The following TIMM22 variants were observed in gnomAD, a reference collection of about 807,000 sequenced individuals.
The protein encoded by TIMM22 is mitochondrial import inner membrane translocase subunit Tim22.
Under a neutral mutation model 18.3 loss-of-function variants are expected in TIMM22, and 12 were observed. The observed-to-expected ratio is 0.65, with a 90% CI of 0.42 to 1.06. The LOEUF (loss-of-function observed/expected upper bound fraction) is 1.06. Ranked by LOEUF, TIMM22 falls within the 50% of genes least tolerant of loss-of-function variation. The probability of loss-of-function intolerance (pLI) is 0.00; values close to 1 mark genes in which losing one functional copy is unlikely to be tolerated. For missense variants in TIMM22, 278 were observed against 252.8 expected (o/e 1.10, Z -0.68); for synonymous variants, 107 against 98.5 (o/e 1.09, Z -0.51).
At chr17:999,340 TATATATATATATATATATAC>T (rs1190171500) in intron 2 of TIMM22, among the ~76,000 whole-genome samples, 152 bp from the exon 3 acceptor site, 4 of 138,730 alleles carry the variant, frequency 2.9e-5, no homozygotes. Flanking sequence ...TATATATATA[TATATATATATATATATATAC>T]ACGCTGTATA....
rs2069751941 is a variant in TIMM22, at chr17:1,001,763, C to T, written c.*675C>T. 6.6e-6 allele frequency: 1 copy of T among 152,448 alleles called. No homozygotes were observed. The highest frequency in any genetic ancestry group is 2.4e-5 in the African/African-American group (1 of 41,430). 9.4% of individuals were successfully genotyped at this position (152,448 alleles called of 1,614,324 possible). A position where few individuals can be genotyped will look rare whatever the true frequency, so the allele number is the denominator to read the frequency against. On this transcript the variant is annotated 3_prime_UTR_variant, in exon 4 of 4. Transcript: ENST00000327158. ...GGAAGCGGGGGATGGGGCGCTGAGGCAGGGTTGTTAGAGGACTGTGTCATC... is the reference window on the plus strand; with the variant it reads ...GGAAGCGGGGGATGGGGCGCTGAGGTAGGGTTGTTAGAGGACTGTGTCATC...
In TIMM22 at chr17:997,418, C is replaced by T. The variant is rs1555524803; in HGVS notation, c.238+38C>T. On this transcript the variant is annotated intron_variant, in intron 1 of 3. Coordinates refer to ENST00000327158, the MANE Select transcript of TIMM22 (RefSeq NM_013337.4). ...GATGGGACCCTTGGGAGGCTGAGGGCCTGGACGGCAGTGGGGATCTCTGCC... is the reference window on the plus strand; with the variant it reads ...GATGGGACCCTTGGGAGGCTGAGGGTCTGGACGGCAGTGGGGATCTCTGCC... 6.9e-6 allele frequency: 11 copies of T among 1,590,116 alleles called. No individual in the cohort carries two copies. The South Asian group carries it at 1.0e-4, about 15-fold the overall frequency.
intron 2 of TIMM22, among the ~76,000 whole-genome samples, 175 bp from the exon 3 acceptor site, chr17:999,323 CTATATATATATATA>C (rs57081954): frequency 5.3e-4 from 64 of 120,582 alleles, no homozygotes; most frequent in Middle Eastern, 4.5e-3. Context: ...TGAACGCATA[CTATATATATATATA>C]TATATATATA....
At chr17:999,245 A>C (rs199976304) in intron 2 of TIMM22, among the ~76,000 whole-genome samples, 1 of 150,354 alleles carries the variant, frequency 6.7e-6, no homozygotes, top group Non-Finnish European at 1.5e-5. Context: ...CCCTTGAAGA[A>C]ATTTTGATTA....
In TIMM22 at chr17:1,001,305, AG is replaced by A; in HGVS notation, c.*219del. ...CCTGGACTCCAGCCAGCCTTCACAG[AG>A]GACGTCCCGTGCCAGATTCTCTCAC... On this transcript the variant is annotated 3_prime_UTR_variant, in exon 4 of 4. Transcript: ENST00000327158. 2.0e-6 allele frequency: 1 copy of A among 506,376 alleles called. No homozygotes were observed. The highest frequency in any genetic ancestry group is 3.6e-6 in the Non-Finnish European group (1 of 277,182). The allele number at this position is 506,376 out of a possible 1,614,324, so 31.4% of individuals were successfully genotyped here.
intron 3 of TIMM22, 74 bp downstream of exon 3, chr17:999,658 A>T: frequency 7.3e-7 from 1 of 1,377,576 alleles, no homozygotes; most frequent in Non-Finnish European, 1.0e-6. Flanking sequence ...TTCCAAACAC[A>T]CGAGTGTTCC....
At chr17:1,000,916 T>C in intron 3 of TIMM22, 96 bp from the exon 4 acceptor site, 1 of 1,214,212 alleles carries the variant, frequency 8.2e-7, no homozygotes, top group South Asian at 1.2e-5. Flanking sequence ...GTGCTTAAGC[T>C]CATTTCATGA....
chr17:997,565 T>C (rs2069696522), intron 1 of TIMM22, among the ~76,000 whole-genome samples, 185 bp downstream of exon 1: 1 of 152,094 alleles, frequency 6.6e-6, no homozygotes, highest in African/African-American at 2.4e-5. Context: ...CTGATGAAAA[T>C]TGGGTTAGAG....
rs1009884222 is a variant in TIMM22, at chr17:1,001,791, CA to C, written c.*704del. 2.0e-5 allele frequency: 3 copies of C among 152,202 alleles called. No individual in the cohort carries two copies. In the East Asian group the frequency reaches 5.8e-4, roughly 29 times the overall value. The allele number at this position is 152,202 out of a possible 1,614,324, so 9.4% of individuals were successfully genotyped here. ...GGTTGTTAGAGGACTGTGTCATCCT[CA>C]CCAAGCTCATTACATCTGCCAGGGC... On this transcript the variant is annotated 3_prime_UTR_variant, in exon 4 of 4. Transcript: ENST00000327158.
chr17:1,000,473 C>G (rs1188721238), intron 3 of TIMM22, among the ~76,000 whole-genome samples: 1 of 152,140 alleles, frequency 6.6e-6, no homozygotes, highest in African/African-American at 2.4e-5. Context: ...ATCTGTCATG[C>G]CCTAACTTAC....
rs2069815426 is a variant in TIMM22 at position 1,003,620 on chromosome 17, A to T, written c.*2532A>T. On this transcript the variant is annotated 3_prime_UTR_variant, in exon 4 of 4. Coordinates refer to ENST00000327158, the MANE Select transcript of TIMM22 (RefSeq NM_013337.4). ...TAATCTACATAAGTTGAAACAGAAC[A>T]TAGACAAAAAAATATATCCTTACCA... 1 of 152,566 alleles carries T rather than the reference A, an allele frequency of 6.6e-6. No individual in the cohort carries two copies. The highest frequency in any genetic ancestry group is 1.5e-5 in the Non-Finnish European group (1 of 68,050). 9.5% of individuals were successfully genotyped at this position (152,566 alleles called of 1,614,324 possible). A position where few individuals can be genotyped will look rare whatever the true frequency, so the allele number is the denominator to read the frequency against.
In TIMM22 at chr17:999,358, T is replaced by TAC. The variant is rs1555524935; in HGVS notation, c.436-151_436-150dup. ...ATATATATATATATATATATATATATACACGCTGTATACTTAGGAACTATA... is the reference window on the plus strand; with the variant it reads ...ATATATATATATATATATATATATATACACACGCTGTATACTTAGGAACTATA... On this transcript the variant is annotated intron_variant, in intron 2 of 3. Transcript: ENST00000327158. Among the ~76,000 whole-genome samples the TAC allele has an allele frequency of 2.2e-3, 295 of 132,540 alleles. 10 individuals are homozygous for TAC. Among genetic ancestry groups the TAC allele is most frequent in the African/African-American group, 6.8e-3 (211 of 31,212 alleles). The allele number at this position is 132,540 out of a possible 152,430, so 87.0% of individuals were successfully genotyped here.
Position 998,956 on chromosome 17 carries a change from CT to C in TIMM22, c.417del (p.Glu140SerfsTer3). 3 of 1,613,702 alleles carry C rather than the reference CT, an allele frequency of 1.9e-6. No individual in the cohort carries two copies. In the South Asian group the frequency reaches 3.3e-5, roughly 18 times the overall value. On this transcript the variant is annotated frameshift_variant, in exon 2 of 4. Transcript: ENST00000327158. LOFTEE classifies it high-confidence loss of function. ...ATTGTGGGAGCCATGTTTTCTTGTA[CT>C]GAGTGTTTGATAGAATCTGTAAGTG... The part of the protein sequence containing the change: ...FAIVGAMFSC[T>X]ECLIESYRGT...
In TIMM22 at chr17:1,003,360, C is replaced by CT. The variant is rs771500353; in HGVS notation, c.*2273dup. On this transcript the variant is annotated 3_prime_UTR_variant, in exon 4 of 4. Coordinates refer to ENST00000327158, the MANE Select transcript of TIMM22 (RefSeq NM_013337.4). The stretch of plus-strand genomic sequence containing the variant: ...AGGGCTCCAGCCCACCTCCCCGCAG[C>CT]TCTGCCCCAGCCCCCGTGGGCCACA... The CT allele has an allele frequency of 1.3e-5, 2 of 152,402 alleles. No homozygotes were observed. Among genetic ancestry groups the CT allele is most frequent in the Non-Finnish European group, 2.9e-5 (2 of 68,046 alleles). 9.4% of individuals were successfully genotyped at this position (152,402 alleles called of 1,614,324 possible). A position where few individuals can be genotyped will look rare whatever the true frequency, so the allele number is the denominator to read the frequency against.
chr17:999,126 A>G, intron 2 of TIMM22, 151 bp downstream of exon 2: 2 of 808,868 alleles, frequency 2.5e-6, no homozygotes, highest in Non-Finnish European at 3.7e-6. Context: ...TCCATAAAAT[A>G]GTCCCTGTGG....
Position 997,141 on chromosome 17 carries a change from T to A in TIMM22, c.-2T>A. 4 of 1,608,754 alleles carry A rather than the reference T, an allele frequency of 2.5e-6. No homozygotes were observed. The highest frequency in any genetic ancestry group is 3.4e-6 in the Non-Finnish European group (4 of 1,178,732). ...GCGAGGGTTGCTTGGGCAGCGACTG[T>A]CATGGCGGCGGCCGCCCCCAATGCC... On this transcript the variant is annotated 5_prime_UTR_variant, in exon 1 of 4. Coordinates refer to ENST00000327158, the MANE Select transcript of TIMM22 (RefSeq NM_013337.4).
rs1005158356 is a variant in TIMM22 at position 1,001,646 on chromosome 17, A to G, written c.*558A>G. On this transcript the variant is annotated 3_prime_UTR_variant, in exon 4 of 4. Transcript: ENST00000327158. ...ACCTTACAGTTCAAAAGGTTGGTTT[A>G]TTTGTATTTTATTTTCAAATTCCCT... is the stretch of plus-strand genomic sequence containing the variant. 1 of 152,398 alleles carries G rather than the reference A, an allele frequency of 6.6e-6. No individual in the cohort carries two copies. The highest frequency in any genetic ancestry group is 2.4e-5 in the African/African-American group (1 of 41,288). 9.4% of individuals were successfully genotyped at this position (152,398 alleles called of 1,614,324 possible).
chr17:997,369 C>A lies in TIMM22; in HGVS notation c.227C>A (p.Ala76Asp), dbSNP rs1200486557. 1 of 1,612,788 alleles carries A rather than the reference C, an allele frequency of 6.2e-7. No homozygotes were observed. Among genetic ancestry groups the A allele is most frequent in the South Asian group, 1.1e-5 (1 of 90,906 alleles). The change falls in exon 1 of 4, where the codon GCC (alanine) becomes GAC (aspartate). Residue 76 changes from alanine to aspartate, a missense_variant. Ala to Asp is a moderately radical substitution (Grantham distance 126, BLOSUM62 -2). Coordinates refer to ENST00000327158, the MANE Select transcript of TIMM22 (RefSeq NM_013337.4). The part of the protein sequence containing the change: ...MESCAFKAAL[A>D]CVGGFVLGGA... ...AGCTGCGCTTTCAAGGCTGCGCTGG[C>A]CTGCGTGGGAGGTGAGGCCGGGCGA... is the stretch of plus-strand genomic sequence containing the variant.
chr17:997,525 C>A lies in TIMM22; in HGVS notation c.238+145C>A, dbSNP rs180683114. On this transcript the variant is annotated intron_variant, in intron 1 of 3. Coordinates refer to ENST00000327158, the MANE Select transcript of TIMM22 (RefSeq NM_013337.4). ...CTCGCCTCGTTCGTGAATCGGGCGT[C>A]ACCTCTCCTGCCCCCTCAGGCCGGC... 4.6e-4 allele frequency: 354 copies of A among 777,708 alleles called. 1 individual carries two copies. The African/African-American group carries it at 5.6e-3, about 12-fold the overall frequency. 48.2% of individuals were successfully genotyped at this position (777,708 alleles called of 1,614,324 possible).
Sources: gnomAD v4.1 joint callset for allele counts (sites outside exome capture counted in the v4.1 genomes callset) on GRCh38, gnomAD v4.1.1 for gene constraint, MANE v1.5 for transcripts, NCBI Gene and HGNC (gene_info 2026-07-23, HGNC 2026-07-21) for gene names.